The following SYT1 variants were observed in gnomAD, a reference collection of about 807,000 sequenced individuals.
SYT1 encodes the protein synaptotagmin-1.
In SYT1, 8 loss-of-function variants were observed where a neutral mutation model predicts 44.8. The observed-to-expected ratio is 0.18, with a 90% confidence interval of 0.10 to 0.32. The LOEUF is 0.32. Among genes scored for constraint, SYT1 ranks in the 10% least tolerant of loss-of-function variants. The probability of loss-of-function intolerance (pLI) is 1.00; values close to 1 mark genes in which losing one functional copy is unlikely to be tolerated. For synonymous variants in SYT1, 154 were observed against 188.8 expected (o/e 0.82, Z 1.51); for missense variants, 286 against 509.3 (o/e 0.56, Z 4.22).
intron 3 of SYT1, among the ~76,000 whole-genome samples, chr12:79,205,004 G>A (rs1238347684): frequency 7.9e-6 from 1 of 126,948 alleles, no homozygotes; most frequent in East Asian, 2.3e-4. Context: ...TCTCTTTGTC[G>A]CCCAGGCTGG....
At chr12:79,395,685 CTAT>C (rs1370531858) in intron 9 of SYT1, among the ~76,000 whole-genome samples, 4 of 150,552 alleles carry the variant, frequency 2.7e-5, no homozygotes, top group Admixed American at 2.6e-4. Flanking sequence ...ACATGCCTGA[CTAT>C]TACAGACTTT....
chr12:78,966,714 CACT>C (rs1019168689), intron 1 of SYT1, among the ~76,000 whole-genome samples: 46 of 152,250 alleles, frequency 3.0e-4, no homozygotes, highest in African/African-American at 1.1e-3. Flanking sequence ...GTTAATTTCC[CACT>C]ACATCCTTTT....
At chr12:79,117,715 AAAAT>A (rs1430471022) in intron 3 of SYT1, among the ~76,000 whole-genome samples, 17 of 113,542 alleles carry the variant, frequency 1.5e-4, no homozygotes, top group Non-Finnish European at 2.5e-4. Flanking sequence ...ATATATATAT[AAAAT>A]AAATAGGTTG....
chr12:79,410,288 T>A (rs985889383), intron 9 of SYT1, among the ~76,000 whole-genome samples: 2 of 152,160 alleles, frequency 1.3e-5, no homozygotes, highest in Non-Finnish European at 2.9e-5. Context: ...AATACCTTAC[T>A]TGCCTATCCA....
At chr12:78,988,144 A>T (rs916882470) in intron 2 of SYT1, among the ~76,000 whole-genome samples, 4 of 151,918 alleles carry the variant, frequency 2.6e-5, no homozygotes, top group African/African-American at 9.7e-5. Context: ...TTTTTTCAAA[A>T]TGTACAATGC....
At chr12:78,987,566 G>A (rs1360240349) in intron 2 of SYT1, among the ~76,000 whole-genome samples, 1 of 151,954 alleles carries the variant, frequency 6.6e-6, no homozygotes, top group East Asian at 1.9e-4. Flanking sequence ...AAGAACCCAT[G>A]AGGCTACACA....
intron 2 of SYT1, among the ~76,000 whole-genome samples, chr12:79,028,439 A>C (rs1872653314): frequency 6.6e-6 from 1 of 151,388 alleles, no homozygotes; most frequent in South Asian, 2.1e-4. Context: ...GTGCTATTCA[A>C]AGTTTTTTCT....
At chr12:78,932,884 C>A (rs999766337) in intron 1 of SYT1, among the ~76,000 whole-genome samples, 1 of 152,046 alleles carries the variant, frequency 6.6e-6, no homozygotes, top group Non-Finnish European at 1.5e-5. Flanking sequence ...CAATTATAGG[C>A]GCATAAATTC....
At chr12:78,967,221 C>T (rs542839854) in intron 1 of SYT1, among the ~76,000 whole-genome samples, 22 of 152,166 alleles carry the variant, frequency 1.4e-4, no homozygotes, top group Non-Finnish European at 2.4e-4. Flanking sequence ...AATAATCTGA[C>T]GGCAAAAGCT....
chr12:78,957,712 TGTTGTTATTTTGG>T (rs1292713456), intron 1 of SYT1, among the ~76,000 whole-genome samples: 1 of 152,166 alleles, frequency 6.6e-6, no homozygotes, highest in African/African-American at 2.4e-5. Context: ...TTACTGTTGT[TGTTGTTATTTTGG>T]GTTGTTAAGG....
chr12:79,101,959 A>C (rs1878469537), intron 3 of SYT1, among the ~76,000 whole-genome samples: 1 of 147,246 alleles, frequency 6.8e-6, no homozygotes, highest in African/African-American at 2.5e-5. Context: ...GATATTAAAT[A>C]GTATTTTTCA....
chr12:79,177,151 G>T (rs1336372852), intron 3 of SYT1, among the ~76,000 whole-genome samples: 2 of 111,372 alleles, frequency 1.8e-5, no homozygotes, highest in Admixed American at 9.5e-5. Context: ...ACCCACTAAC[G>T]TGTCATCTAG....
intron 9 of SYT1, among the ~76,000 whole-genome samples, chr12:79,385,505 C>T (rs1202122621): frequency 1.3e-5 from 2 of 151,714 alleles, no homozygotes; most frequent in Admixed American, 6.6e-5. Flanking sequence ...CGTGTTTATT[C>T]CCCCCAAAAT....
At chr12:79,129,173 T>C (rs1868643461) in intron 3 of SYT1, among the ~76,000 whole-genome samples, 1 of 152,176 alleles carries the variant, frequency 6.6e-6, no homozygotes, top group South Asian at 2.1e-4. Context: ...CAATAATTGG[T>C]GTGGCATGAC....
chr12:79,021,346 A>C (rs1366143977), intron 2 of SYT1, among the ~76,000 whole-genome samples: 1 of 151,752 alleles, frequency 6.6e-6, no homozygotes, highest in Non-Finnish European at 1.5e-5. Context: ...CTTTTAGTAA[A>C]TTTTTCCTCT....
At chr12:78,931,244 AAGGAAGGAAGGAAGGAAGGAAGGAAG>A (rs1877674069) in intron 1 of SYT1, among the ~76,000 whole-genome samples, 2 of 32,454 alleles carry the variant, frequency 6.2e-5, no homozygotes, top group Non-Finnish European at 1.3e-4. Flanking sequence ...AGAAAGAAGG[AAGGAAGGAAGGAAGGAAGGAAGGAAG>A]GAAGGAAGGA....
chr12:79,393,957 T>C (rs775047744), intron 9 of SYT1: 2 of 152,208 alleles, frequency 1.3e-5, no homozygotes, highest in African/African-American at 4.8e-5. Context: ...AGCAATTTCA[T>C]CAGTATATAC....
At chr12:79,397,062 T>C (rs531073414) in intron 9 of SYT1, among the ~76,000 whole-genome samples, 1 of 152,202 alleles carries the variant, frequency 6.6e-6, no homozygotes, top group South Asian at 2.1e-4. Flanking sequence ...TTATATATGT[T>C]CGAGGAATAT....
At chr12:79,077,365 CAG>C (rs1337637658) in intron 3 of SYT1, among the ~76,000 whole-genome samples, 1 of 152,134 alleles carries the variant, frequency 6.6e-6, no homozygotes, top group Non-Finnish European at 1.5e-5. Flanking sequence ...AGTAACCACA[CAG>C]AGATCTACCA....
Sources: gnomAD v4.1 joint callset for allele counts (sites outside exome capture counted in the v4.1 genomes callset) on GRCh38, gnomAD v4.1.1 for gene constraint, MANE v1.5 for transcripts, NCBI Gene and HGNC (gene_info 2026-07-23, HGNC 2026-07-21) for gene names.